CDKL5: variants seen among roughly 807,000 people sequenced by gnomAD.
The protein encoded by CDKL5 is cyclin dependent kinase like 5, also known as cyclin-dependent kinase-like 5.
In CDKL5, 8 loss-of-function variants were observed where a neutral mutation model predicts 61.7. The ratio of observed to expected loss-of-function variants is 0.13; its 90% CI spans 0.08 to 0.23. The LOEUF (loss-of-function observed/expected upper bound fraction) is 0.23. Ranked by LOEUF, CDKL5 falls within the 10% of genes least tolerant of loss-of-function variation. The pLI, the probability that CDKL5 is intolerant of heterozygous loss-of-function variation, is 1.00. For synonymous variants in CDKL5, 275 were observed against 272.3 expected (o/e 1.01, Z -0.10); for missense variants, 440 against 734.5 (o/e 0.60, Z 4.63).
rs780795025 is a variant in CDKL5 at position 18,628,354 on chromosome X, C to T, written c.2497-17C>T. 7.2e-5 allele frequency: 87 copies of T among 1,206,998 alleles called. No individual in the cohort carries two copies. The highest frequency in any genetic ancestry group is 9.6e-5 in the Non-Finnish European group (86 of 892,250). On this transcript the variant is annotated splice_polypyrimidine_tract_variant and intron_variant, in intron 17 of 17. Coordinates refer to ENST00000623535, the MANE Select transcript of CDKL5 (RefSeq NM_001323289.2). ...CTCTAACTTGAATCCTGTGTGCATT[C>T]TCATCCTTTCTTTCAGAGCCAGCCA...
intron 3 of CDKL5, among the ~76,000 whole-genome samples, chrX:18,518,791 C>T (rs1336015363): frequency 9.2e-6 from 1 of 108,648 alleles, no homozygotes; most frequent in Non-Finnish European, 1.9e-5. Context: ...TAGTGTGAAA[C>T]CTTTCCCTTT....
chrX:18,451,930 T>A (rs1225631017), intron 1 of CDKL5, among the ~76,000 whole-genome samples: 2 of 112,426 alleles, frequency 1.8e-5, no homozygotes, highest in East Asian at 5.6e-4. Flanking sequence ...TAACCCACAC[T>A]GTTTTATACA....
chrX:18,577,062 G>A (rs776003523), intron 5 of CDKL5, among the ~76,000 whole-genome samples: 40 of 110,750 alleles, frequency 3.6e-4, no homozygotes, highest in Non-Finnish European at 3.2e-4. Context: ...ATGCCTGGCT[G>A]CTTTTTATTT....
chrX:18,498,187 A>G (rs1427456545), intron 1 of CDKL5, among the ~76,000 whole-genome samples: 3 of 111,205 alleles, frequency 2.7e-5, no homozygotes, highest in Non-Finnish European at 5.6e-5. Context: ...ATTTTTTTAC[A>G]ATAAACACTT....
rs779361711 is a variant in CDKL5, at chrX:18,518,388, A to ATTTTTTTTTTTTTTTTT, written c.99+7553_99+7569dup. On this transcript the variant is annotated intron_variant, in intron 3 of 17. Coordinates refer to ENST00000623535, the MANE Select transcript of CDKL5 (RefSeq NM_001323289.2). ...AAGTCATGTTTTCTTTTCTTTTCTTATTTTTTTTTTTTTTTTTTTTTTTTT... is the reference window on the plus strand; with the variant it reads ...AAGTCATGTTTTCTTTTCTTTTCTTATTTTTTTTTTTTTTTTTTTTTTTTTTTTTTTTTTTTTTTTTT... Among the ~76,000 whole-genome samples the ATTTTTTTTTTTTTTTTT allele has an allele frequency of 2.0e-3, 43 of 21,167 alleles. 6 individuals carry two copies. The highest frequency in any genetic ancestry group is 3.8e-3 in the African/African-American group (24 of 6,302). The allele number at this position is 21,167 out of a possible 115,157, so 18.4% of individuals were successfully genotyped here.
chrX:18,473,875 T>C (rs755765302), intron 1 of CDKL5, among the ~76,000 whole-genome samples: 1 of 107,585 alleles, frequency 9.3e-6, no homozygotes, highest in Non-Finnish European at 1.9e-5. Context: ...GTATGAAAAG[T>C]AGGCCATCAG....
intron 20 of CDKL5, chrX:18,647,639 C>T (rs964409432): frequency 2.9e-5 from 9 of 311,625 alleles, no homozygotes; most frequent in Non-Finnish European, 4.5e-5. Flanking sequence ...TCACCTCCTC[C>T]ACCAACTTAG....
chrX:18,604,156 C>G lies in CDKL5; in HGVS notation c.1232C>G (p.Ala411Gly). 3 of 1,211,510 alleles carry G rather than the reference C, an allele frequency of 2.5e-6. No homozygotes were observed. The highest frequency in any genetic ancestry group is 3.4e-6 in the Non-Finnish European group (3 of 895,411). ...NIPHLLSPKE[A>G]KSKTEFDFNI... ...CCACACCTTCTTAGCCCAAAAGAAG[C>G]CAAGTCAAAAACAGAGTTTGATTTT... The change falls in exon 12 of 18, where the codon GCC becomes GGC. Residue 411 changes from alanine to glycine, a missense_variant. Physicochemically the swap from Ala to Gly is moderately conservative, Grantham distance 60 (BLOSUM62 0). Transcript: ENST00000623535.
At chrX:18,614,297 T>G (rs1926651919) in intron 15 of CDKL5, among the ~76,000 whole-genome samples, 2 of 112,834 alleles carry the variant, frequency 1.8e-5, no homozygotes, top group Admixed American at 1.9e-4. Flanking sequence ...AATGACTTCT[T>G]AAAAGCTATA....
At chrX:18,617,771 T>G (rs1926763991) in intron 15 of CDKL5, among the ~76,000 whole-genome samples, 1 of 112,006 alleles carries the variant, frequency 8.9e-6, no homozygotes, top group African/African-American at 3.3e-5. Flanking sequence ...GTAATTTATT[T>G]CTTTTTTTCA....
At chrX:18,505,419 A>C (rs1424937120) in intron 1 of CDKL5, among the ~76,000 whole-genome samples, 1 of 112,532 alleles carries the variant, frequency 8.9e-6, no homozygotes, top group Non-Finnish European at 1.9e-5. Flanking sequence ...TTCATAGCGA[A>C]AAAAGAACAA....
At chrX:18,601,448 T>A (rs1392941664) in intron 11 of CDKL5, among the ~76,000 whole-genome samples, 1 of 113,040 alleles carries the variant, frequency 8.8e-6, no homozygotes, top group Non-Finnish European at 1.9e-5. Context: ...TTTTTTTAAC[T>A]AGTTGGCAGT....
intron 1 of CDKL5, among the ~76,000 whole-genome samples, chrX:18,489,946 G>A (rs761294602): frequency 3.6e-5 from 4 of 110,860 alleles, no homozygotes; most frequent in African/African-American, 9.9e-5. Flanking sequence ...ACCACCTTGG[G>A]CACATATATA....
exon 22 of CDKL5, chrX:18,653,446 G>T (rs35693326): frequency 2.5e-6 from 3 of 1,209,217 alleles, no homozygotes; most frequent in Non-Finnish European, 3.4e-6. Flanking sequence ...CTCTTTCTTC[G>T]TGAGACACGT....
chrX:18,632,563 A>G lies in CDKL5; in HGVS notation c.*3806A>G. 1.3e-6 allele frequency: 1 copy of G among 754,357 alleles called. No homozygotes were observed. The highest frequency in any genetic ancestry group is 1.6e-6 in the Non-Finnish European group (1 of 639,115). The allele number at this position is 754,357 out of a possible 1,213,427, so 62.2% of individuals were successfully genotyped here. ...ACCAATTAGAAGCAAAAAAGTCCGT[A>G]TTGGTGGTTGTGATGTGGCTGTTAT... On this transcript the variant is annotated 3_prime_UTR_variant, in exon 18 of 18. Transcript: ENST00000623535.
At chrX:18,587,580 A>G in intron 8 of CDKL5, 1 of 190,438 alleles carries the variant, frequency 5.3e-6, no homozygotes, top group Admixed American at 7.1e-5. Context: ...AGAGAGCTAA[A>G]GGATAATTAT....
intron 1 of CDKL5, among the ~76,000 whole-genome samples, chrX:18,450,827 G>A (rs1383381112): frequency 9.1e-6 from 1 of 110,312 alleles, no homozygotes; most frequent in Non-Finnish European, 1.9e-5. Context: ...CACTTGCCTC[G>A]GCCTCCCAAA....
intron 1 of CDKL5, among the ~76,000 whole-genome samples, chrX:18,503,030 C>G (rs1478449633): frequency 8.9e-6 from 1 of 111,861 alleles, no homozygotes; most frequent in Non-Finnish European, 1.9e-5. Context: ...GAATTGATAC[C>G]TTTATAGTTT....
chrX:18,467,078 T>G lies in CDKL5; in HGVS notation c.-162-39857T>G, dbSNP rs777519338. On this transcript the variant is annotated intron_variant, in intron 1 of 17. Coordinates refer to ENST00000623535, the MANE Select transcript of CDKL5 (RefSeq NM_001323289.2). ...TCTGACAGTAATAACAGAGGCATAC[T>G]CTGAATATGAACCTGTATAGCATAT... Among the ~76,000 whole-genome samples the G allele has an allele frequency of 8.1e-4, 90 of 111,663 alleles. No individual in the cohort carries two copies. The Middle Eastern group carries it at 0.018, about 23-fold the overall frequency.
Sources: gnomAD v4.1 joint callset for allele counts (sites outside exome capture counted in the v4.1 genomes callset) on GRCh38, gnomAD v4.1.1 for gene constraint, MANE v1.5 for transcripts, NCBI Gene and HGNC (gene_info 2026-07-23, HGNC 2026-07-21) for gene names.